Variants in CCK observed in about 807,000 individuals in gnomAD.
CCK encodes the protein cholecystokinin.
CCK carries 11 observed loss-of-function variants against 10.1 expected under a neutral mutation model. The ratio of observed to expected loss-of-function variants is 1.09; its 90% CI spans 0.69 to 1.81. The LOEUF (loss-of-function observed/expected upper bound fraction) is 1.81. Among genes scored for constraint, CCK ranks in the 40% most tolerant of loss-of-function variants. CCK has a pLI of 0.00. For missense variants in CCK, 137 were observed against 159.9 expected, an observed-to-expected ratio of 0.86 and a Z score of 0.77; for synonymous variants, 83 against 71.9, an observed-to-expected ratio of 1.15 and a Z score of -0.78.
chr3:42,259,257 T>G (rs944424864), intron 4 of CCK, among the ~76,000 whole-genome samples: 2 of 152,134 alleles, frequency 1.3e-5, no homozygotes, highest in African/African-American at 2.4e-5. Context: ...TGTAGATGAC[T>G]GGTTGATGGG....
chr3:42,260,790 T>C (rs1177908531), intron 4 of CCK, among the ~76,000 whole-genome samples: 2 of 152,198 alleles, frequency 1.3e-5, no homozygotes, highest in African/African-American at 2.4e-5. Flanking sequence ...GAGAAAACAG[T>C]GACTTTCTTA....
chr3:42,258,161 C>T lies in CCK; in HGVS notation c.285G>A (p.Arg95=). The change falls in exon 5 of 5, where the codon CGG becomes CGA. Residue 95 remains arginine (R), a synonymous_variant. Transcript: ENST00000396169. Reference sequence around the variant, plus strand: ...CAAAATCCATCCAGCCCATGTAGTCCCGGTCACTTATCCTGTGGCTGGGGT... The same window carrying T: ...CAAAATCCATCCAGCCCATGTAGTCTCGGTCACTTATCCTGTGGCTGGGGT... The part of the protein sequence containing the change: ...NLDPSHRISD[R]DYMGWMDFGR... The T allele has an allele frequency of 6.2e-7, 1 of 1,614,104 alleles. No homozygotes were observed. The highest frequency in any genetic ancestry group is 1.1e-5 in the South Asian group (1 of 91,084).
At chr3:42,261,914 A>G (rs561157836) in intron 4 of CCK, among the ~76,000 whole-genome samples, 1 of 152,298 alleles carries the variant, frequency 6.6e-6, no homozygotes, top group Non-Finnish European at 1.5e-5. Context: ...ATCTTTTTCA[A>G]TTTAATTAGC....
At chr3:42,259,206 G>C (rs1017700486) in intron 4 of CCK, among the ~76,000 whole-genome samples, 3 of 151,684 alleles carry the variant, frequency 2.0e-5, no homozygotes, top group Non-Finnish European at 4.4e-5. Flanking sequence ...CTATCGGGGG[G>C]TGGGGGTTAG....
At chr3:42,262,623 A>C (rs1455853038) in intron 4 of CCK, among the ~76,000 whole-genome samples, 3 of 152,192 alleles carry the variant, frequency 2.0e-5, no homozygotes, top group Admixed American at 6.5e-5. Flanking sequence ...GGCAGAAAAA[A>C]GCTGCCCCAA....
chr3:42,258,545 C>T (rs1271161052), intron 4 of CCK, among the ~76,000 whole-genome samples: 3 of 152,120 alleles, frequency 2.0e-5, no homozygotes, highest in East Asian at 3.8e-4. Context: ...CCTTAGTCTC[C>T]CTACCGTTTG....
At chr3:42,264,329 T>A (rs892588371) in intron 3 of CCK, among the ~76,000 whole-genome samples, 2 of 152,178 alleles carry the variant, frequency 1.3e-5, no homozygotes, top group Non-Finnish European at 2.9e-5. Context: ...GCCTCGAAAT[T>A]TTCTGCAGTA....
chr3:42,263,781 C>G lies in CCK; in HGVS notation c.-2-149G>C. ...CGCAAGCACGAGGGCTCGCCAAGCG[C>G]TGACCCCAGCCGAGTGCCATGGCGC... On this transcript the variant is annotated intron_variant, in intron 3 of 4. Transcript: ENST00000396169. 3 of 1,355,416 alleles carry G rather than the reference C, an allele frequency of 2.2e-6. No homozygotes were observed. The South Asian group carries it at 5.1e-5, about 23-fold the overall frequency. The allele number at this position is 1,355,416 out of a possible 1,614,324, so 84.0% of individuals were successfully genotyped here.
At chr3:42,263,773 G>A (rs1404760240) in intron 3 of CCK, 141 bp from the exon 4 acceptor site, 13 of 1,375,076 alleles carry the variant, frequency 9.5e-6, no homozygotes, top group South Asian at 1.7e-5. Context: ...ACGAGGGCTC[G>A]CCAAGCGCTG....
At chr3:42,261,274 G>T (rs1711206731) in intron 4 of CCK, among the ~76,000 whole-genome samples, 1 of 152,138 alleles carries the variant, frequency 6.6e-6, no homozygotes, top group East Asian at 1.9e-4. Context: ...AATCTGATAT[G>T]ATCTCAAAAT....
At chr3:42,264,459 G>A (rs1711259770) in intron 3 of CCK, among the ~76,000 whole-genome samples, 1 of 152,160 alleles carries the variant, frequency 6.6e-6, no homozygotes, top group African/African-American at 2.4e-5. Flanking sequence ...CTTAGCGAAT[G>A]GGTAGTTCAT....
intron 4 of CCK, chr3:42,263,207 C>G (rs766084447): frequency 1.9e-4 from 133 of 715,984 alleles, no homozygotes; most frequent in Non-Finnish European, 2.8e-4. Context: ...AAAATTAGTT[C>G]AAAGAAAGCT....
chr3:42,261,536 ACT>A (rs1010608102), intron 4 of CCK, among the ~76,000 whole-genome samples: 7 of 151,858 alleles, frequency 4.6e-5, no homozygotes, highest in Non-Finnish European at 8.8e-5. Flanking sequence ...ACTAGAAAGA[ACT>A]TTCCAGCTAA....
chr3:42,263,291 G>A, intron 4 of CCK, 126 bp downstream of exon 4: 1 of 1,448,954 alleles, frequency 6.9e-7, no homozygotes, highest in Non-Finnish European at 9.7e-7. Flanking sequence ...AGGACCGCCA[G>A]AAATCATGTT....
At position 42,260,497 on chromosome 3, in the gene CCK, C is replaced by A. The variant is rs138686891; in HGVS notation, c.215-2266G>T. Reference sequence around the variant, plus strand: ...CATGGAAGCTGCATTTATCACACACCCTGACTTCCCCGTTCCACGTACAGT... The same window carrying A: ...CATGGAAGCTGCATTTATCACACACACTGACTTCCCCGTTCCACGTACAGT... On this transcript the variant is annotated intron_variant, in intron 4 of 4. Coordinates refer to ENST00000396169, the MANE Select transcript of CCK (RefSeq NM_000729.6). Among the ~76,000 whole-genome samples, 507 of 152,280 alleles carry A rather than the reference C, an allele frequency of 3.3e-3. 2 individuals carry two copies. Among genetic ancestry groups the A allele is most frequent in the Admixed American group, 5.2e-3 (79 of 15,300 alleles).
chr3:42,260,174 A>G (rs1711191747), intron 4 of CCK, among the ~76,000 whole-genome samples: 1 of 152,196 alleles, frequency 6.6e-6, no homozygotes, highest in South Asian at 2.1e-4. Flanking sequence ...CCAACAGTCA[A>G]TTCAGCACAT....
At chr3:42,258,570 A>T (rs1021043984) in intron 4 of CCK, among the ~76,000 whole-genome samples, 2 of 152,176 alleles carry the variant, frequency 1.3e-5, no homozygotes, top group Non-Finnish European at 2.9e-5. Flanking sequence ...CTTTTGGTAG[A>T]TGGGTGTTTT....
intron 3 of CCK, 186 bp from the exon 4 acceptor site, chr3:42,263,818 C>T: frequency 9.9e-7 from 1 of 1,013,944 alleles, no homozygotes; most frequent in Non-Finnish European, 1.3e-6. Context: ...CGCCCCCGGG[C>T]GCACCTGGCT....
chr3:42,258,742 A>C (rs1427147216), intron 4 of CCK, among the ~76,000 whole-genome samples: 1 of 152,204 alleles, frequency 6.6e-6, no homozygotes, highest in East Asian at 1.9e-4. Context: ...TGGTTAAAAA[A>C]AAATCGTTGG....
Sources: allele counts gnomAD v4.1 joint callset (sites outside exome capture counted in the v4.1 genomes callset), GRCh38; gene constraint gnomAD v4.1.1; transcripts MANE v1.5; gene names NCBI Gene and HGNC (gene_info 2026-07-23, HGNC 2026-07-21).